The following GPHN variants were observed in gnomAD, a reference collection of about 807,000 sequenced individuals.
GPHN encodes the protein gephyrin.
A neutral mutation model predicts 95.5 loss-of-function variants in GPHN; 17 were observed. The ratio of observed to expected loss-of-function variants is 0.18; its 90% confidence interval spans 0.12 to 0.27. The LOEUF (loss-of-function observed/expected upper bound fraction) is 0.27, where lower values mean the gene tolerates loss of function less well. GPHN is among the 10% of genes least tolerant of loss of function. The pLI, the probability that GPHN is intolerant of heterozygous loss-of-function variation, is 1.00. For synonymous variants in GPHN, 320 were observed against 322.5 expected (o/e 0.99, Z 0.08); for missense variants, 660 against 978.1 (o/e 0.67, Z 4.34).
intron 1 of GPHN, among the ~76,000 whole-genome samples, chr14:66,624,443 T>C (rs1041508266): frequency 1.3e-5 from 2 of 152,212 alleles, no homozygotes; most frequent in African/African-American, 4.8e-5. Context: ...TGATTTCATG[T>C]ACAAAGTTTA....
intron 10 of GPHN, among the ~76,000 whole-genome samples, chr14:67,046,688 C>G (rs1198797443): frequency 6.6e-6 from 1 of 151,972 alleles, no homozygotes; most frequent in Admixed American, 6.6e-5. Context: ...TTGGTTTTGT[C>G]AGAAATGCTT....
the GPHN span, among the ~76,000 whole-genome samples, chr14:67,499,696 A>G: frequency 6.6e-6 from 1 of 152,196 alleles, no homozygotes; most frequent in Non-Finnish European, 1.5e-5. Flanking sequence ...AGAAGTGATG[A>G]TCCCAGAAGA....
the GPHN span, among the ~76,000 whole-genome samples, chr14:67,314,249 A>G: frequency 6.6e-6 from 1 of 152,254 alleles, no homozygotes; most frequent in South Asian, 2.1e-4. Flanking sequence ...ACATAGTAGG[A>G]ACAGAGGAAG....
chr14:67,067,502 C>T (rs952451643), intron 11 of GPHN, among the ~76,000 whole-genome samples: 1 of 152,188 alleles, frequency 6.6e-6, no homozygotes, highest in South Asian at 2.1e-4. Flanking sequence ...CAGACAGGGA[C>T]GTTTAAGTCT....
chr14:67,328,431 T>C, the GPHN span, among the ~76,000 whole-genome samples: 11 of 152,232 alleles, frequency 7.2e-5, no homozygotes, highest in South Asian at 2.1e-4. Context: ...ATTCTGTAGG[T>C]TGCCTATTCA....
chr14:67,723,289 A>T, the GPHN span, among the ~76,000 whole-genome samples: 37 of 152,272 alleles, frequency 2.4e-4, no homozygotes, highest in Non-Finnish European at 5.0e-4. Flanking sequence ...GGTGGAGTGC[A>T]TTGGTGTAGT....
chr14:66,810,009 T>G (rs1474924357), intron 3 of GPHN, among the ~76,000 whole-genome samples: 1 of 152,084 alleles, frequency 6.6e-6, no homozygotes, highest in African/African-American at 2.4e-5. Flanking sequence ...AAAGATAGAT[T>G]AAATCTACCT....
At chr14:67,054,592 A>C (rs1220537374) in intron 10 of GPHN, among the ~76,000 whole-genome samples, 1 of 152,206 alleles carries the variant, frequency 6.6e-6, no homozygotes, top group Non-Finnish European at 1.5e-5. Flanking sequence ...CAGAATTAGA[A>C]AAAAACTACT....
At chr14:66,962,833 T>C (rs1488652839) in intron 8 of GPHN, among the ~76,000 whole-genome samples, 1 of 151,886 alleles carries the variant, frequency 6.6e-6, no homozygotes, top group Non-Finnish European at 1.5e-5. Context: ...TCTCTAATAA[T>C]TTCTTATGAT....
the GPHN span, chr14:67,473,672 G>T: frequency 6.3e-7 from 1 of 1,581,534 alleles, no homozygotes; most frequent in East Asian, 2.3e-5. The surrounding 1 kb of genome is among the most constrained non-coding windows in gnomAD (Gnocchi z 6.5). Context: ...CCCACAGGTA[G>T]GTCCAGAGCG....
the GPHN span, among the ~76,000 whole-genome samples, chr14:67,548,205 T>C: frequency 6.6e-6 from 1 of 152,364 alleles, no homozygotes; most frequent in African/African-American, 2.4e-5. Flanking sequence ...AATGTGATTC[T>C]TCCTTGGACT....
At chr14:66,512,445 A>G (rs1213426745) in intron 1 of GPHN, among the ~76,000 whole-genome samples, 2 of 151,862 alleles carry the variant, frequency 1.3e-5, no homozygotes, top group Non-Finnish European at 3.0e-5. Context: ...TTTGATACCA[A>G]GGTACTTAGC....
intron 11 of GPHN, among the ~76,000 whole-genome samples, chr14:67,059,620 T>G (rs9323490): frequency 0.33 from 49,415 of 151,950 alleles, 12,734 homozygotes; most frequent in African/African-American, 0.7. Context: ...TAGCAGAAAA[T>G]GAATAGGATT....
At chr14:67,332,812 A>C in the GPHN span, 1 of 1,613,374 alleles carries the variant, frequency 6.2e-7, no homozygotes, top group Non-Finnish European at 8.5e-7. Flanking sequence ...TTGAGAAGAC[A>C]AGAGAGATGG....
At chr14:67,090,253 T>A (rs566036484) in intron 12 of GPHN, among the ~76,000 whole-genome samples, 1 of 152,164 alleles carries the variant, frequency 6.6e-6, no homozygotes, top group East Asian at 1.9e-4. Flanking sequence ...TTGGTTTTTT[T>A]AGCTACATTT....
chr14:67,438,191 C>T, the GPHN span, among the ~76,000 whole-genome samples: 1 of 152,148 alleles, frequency 6.6e-6, no homozygotes, highest in Non-Finnish European at 1.5e-5. Context: ...CCTAATCTCC[C>T]CTGAGCCTCC....
chr14:67,573,710 C>T, the GPHN span: 1 of 858,976 alleles, frequency 1.2e-6, no homozygotes, highest in South Asian at 1.4e-5. The surrounding 1 kb of genome is among the most constrained non-coding windows in gnomAD (Gnocchi z 4.8). Context: ...TTTCCCTTTG[C>T]TTATGACGTG....
At chr14:66,880,206 A>G (rs1884690641) in intron 5 of GPHN, among the ~76,000 whole-genome samples, 173 bp downstream of exon 5, 1 of 152,112 alleles carries the variant, frequency 6.6e-6, no homozygotes, top group African/African-American at 2.4e-5. Flanking sequence ...TGTTAAAAAA[A>G]AAAGTTAATT....
the GPHN span, among the ~76,000 whole-genome samples, chr14:67,668,599 A>G: frequency 6.6e-6 from 1 of 151,980 alleles, no homozygotes; most frequent in East Asian, 1.9e-4. Context: ...CCATCATCCA[A>G]TAGGTATCTA....
Sources: gnomAD v4.1 joint callset for allele counts (sites outside exome capture counted in the v4.1 genomes callset) on GRCh38, gnomAD v4.1.1 for gene constraint, Gnocchi (gnomAD v3.1) non-coding constraint, MANE v1.5 for transcripts, NCBI Gene and HGNC (gene_info 2026-07-23, HGNC 2026-07-21) for gene names.